SIPA1L1: variants seen among roughly 807,000 people sequenced by gnomAD.
SIPA1L1 encodes signal induced proliferation associated 1 like 1, also known as signal-induced proliferation-associated 1-like protein 1.
A neutral mutation model predicts 162.7 loss-of-function variants in SIPA1L1; 26 were observed. The ratio of observed to expected loss-of-function variants is 0.16; its 90% CI spans 0.12 to 0.22. The LOEUF is 0.22. SIPA1L1 is among the 10% of genes least tolerant of loss of function. The pLI, the probability that SIPA1L1 is intolerant of heterozygous loss-of-function variation, is 1.00. For missense variants in SIPA1L1, 1,874 were observed against 2,241.0 expected (o/e 0.84, Z 3.31); for synonymous variants, 829 against 837.4 (o/e 0.99, Z 0.17).
At chr14:71,324,434 A>G (rs1390967047) in intron 2 of SIPA1L1, among the ~76,000 whole-genome samples, 1 of 152,088 alleles carries the variant, frequency 6.6e-6, no homozygotes, top group Non-Finnish European at 1.5e-5. Flanking sequence ...AAATTTTACT[A>G]CTTTCTCCCC....
chr14:71,543,547 T>G (rs761268499), intron 4 of SIPA1L1, among the ~76,000 whole-genome samples: 24 of 152,182 alleles, frequency 1.6e-4, no homozygotes, highest in Non-Finnish European at 3.1e-4. Flanking sequence ...TTCTTACCAG[T>G]ATTTGGTATT....
chr14:71,618,905 G>C lies in SIPA1L1; in HGVS notation c.1629+18G>C. 1 of 1,607,524 alleles carries C rather than the reference G, an allele frequency of 6.2e-7. No individual in the cohort carries two copies. Among genetic ancestry groups the C allele is most frequent in the Non-Finnish European group, 8.5e-7 (1 of 1,177,236 alleles). On this transcript the variant is annotated intron_variant, in intron 6 of 23. Transcript: ENST00000381232. Reference sequence around the variant, plus strand: ...CTAGTGAGGTAAGTCGCAAATGAGAGAGGTTTGAGGTTTAACTGAAATGGG... The same window carrying C: ...CTAGTGAGGTAAGTCGCAAATGAGACAGGTTTGAGGTTTAACTGAAATGGG...
chr14:71,642,522 C>T (rs1348182112), intron 7 of SIPA1L1, among the ~76,000 whole-genome samples: 2 of 152,154 alleles, frequency 1.3e-5, no homozygotes, highest in African/African-American at 2.4e-5. Context: ...ACACTGCTGT[C>T]GTACAACCAA....
At chr14:71,549,732 C>T (rs998617973) in intron 4 of SIPA1L1, among the ~76,000 whole-genome samples, 3 of 152,176 alleles carry the variant, frequency 2.0e-5, no homozygotes, top group African/African-American at 7.2e-5. Context: ...ATGTGCTGAA[C>T]AGTGGGACCC....
At chr14:71,546,376 CTTTT>C (rs11480749) in intron 4 of SIPA1L1, among the ~76,000 whole-genome samples, 1 of 116,932 alleles carries the variant, frequency 8.6e-6, no homozygotes, top group Non-Finnish European at 1.7e-5. Flanking sequence ...CTTTTTCTTT[CTTTT>C]TTTTTTTTTT....
intron 4 of SIPA1L1, among the ~76,000 whole-genome samples, chr14:71,564,314 G>T: frequency 6.7e-6 from 1 of 148,534 alleles, no homozygotes; most frequent in African/African-American, 2.5e-5. Flanking sequence ...CTTTTCTTGG[G>T]TATAATGTGC....
At chr14:71,652,370 A>G (rs574568576) in intron 8 of SIPA1L1, among the ~76,000 whole-genome samples, 6 of 152,292 alleles carry the variant, frequency 3.9e-5, no homozygotes, top group African/African-American at 7.2e-5. Flanking sequence ...ACCATACTTA[A>G]TCTAACTTTA....
intron 13 of SIPA1L1, among the ~76,000 whole-genome samples, chr14:71,689,039 C>T (rs1596997076): frequency 6.6e-6 from 1 of 152,154 alleles, no homozygotes; most frequent in East Asian, 1.9e-4. Flanking sequence ...CACTAATTTA[C>T]TGCTTGTAGA....
chr14:71,395,510 A>G (rs1349386107), intron 2 of SIPA1L1, among the ~76,000 whole-genome samples: 2 of 152,160 alleles, frequency 1.3e-5, no homozygotes, highest in East Asian at 1.9e-4. Context: ...AAAATAAAAA[A>G]CAATTAGCTG....
intron 5 of SIPA1L1, among the ~76,000 whole-genome samples, chr14:71,615,465 A>G (rs1009304674): frequency 1.3e-5 from 2 of 152,190 alleles, no homozygotes; most frequent in African/African-American, 4.8e-5. Context: ...GACTACTACA[A>G]ACACTCAGGC....
At chr14:71,554,264 G>C (rs2056145580) in intron 4 of SIPA1L1, among the ~76,000 whole-genome samples, 3 of 152,024 alleles carry the variant, frequency 2.0e-5, no homozygotes, top group Admixed American at 6.6e-5. Flanking sequence ...AGGAAGTTTA[G>C]ATTCCTCATT....
intron 2 of SIPA1L1, among the ~76,000 whole-genome samples, chr14:71,412,830 A>G (rs771621633): frequency 5.3e-5 from 8 of 152,214 alleles, no homozygotes; most frequent in Non-Finnish European, 8.8e-5. Flanking sequence ...GACTTATTTA[A>G]TACATTTTAG....
intron 7 of SIPA1L1, among the ~76,000 whole-genome samples, chr14:71,648,614 G>T (rs1239790810): frequency 6.6e-6 from 1 of 152,180 alleles, no homozygotes; most frequent in Admixed American, 6.5e-5. Flanking sequence ...AATATTCCCA[G>T]TGAGATCTGG....
In SIPA1L1 at chr14:71,518,778, G is replaced by A. The variant is rs2051999549; in HGVS notation, c.-362+5933G>A. ...CAACATGGCAAAACACTGTGTATTA[G>A]TCTGTTTTCATGCTGCTGATAAAGA... On this transcript the variant is annotated intron_variant, in intron 3 of 23. Transcript: ENST00000381232. Among the ~76,000 whole-genome samples the A allele has an allele frequency of 6.6e-5, 10 of 151,784 alleles. No individual in the cohort carries two copies. In the South Asian group the frequency reaches 2.1e-3, roughly 32 times the overall value.
chr14:71,647,404 AAATG>A (rs1366295651), intron 7 of SIPA1L1, among the ~76,000 whole-genome samples: 1 of 151,766 alleles, frequency 6.6e-6, no homozygotes, highest in African/African-American at 2.4e-5. Context: ...TTTTTTTAAT[AAATG>A]AATCTAAATA....
intron 19 of SIPA1L1, among the ~76,000 whole-genome samples, chr14:71,729,511 A>G (rs1344500159): frequency 6.6e-6 from 1 of 152,194 alleles, no homozygotes; most frequent in Non-Finnish European, 1.5e-5. Flanking sequence ...TTGCCCAGCA[A>G]GCATGTTATC....
At chr14:71,718,098 C>G (rs2083407145) in intron 17 of SIPA1L1, among the ~76,000 whole-genome samples, 10 of 152,182 alleles carry the variant, frequency 6.6e-5, no homozygotes, top group Admixed American at 5.9e-4. Context: ...GGTGTGAACA[C>G]TTGGAGGACA....
At chr14:71,542,634 T>C (rs1437346421) in intron 4 of SIPA1L1, among the ~76,000 whole-genome samples, 10 of 109,516 alleles carry the variant, frequency 9.1e-5, no homozygotes, top group Non-Finnish European at 1.5e-4. Flanking sequence ...CTCCCCTTCT[T>C]CTTCCACTTC....
intron 5 of SIPA1L1, among the ~76,000 whole-genome samples, chr14:71,615,879 C>T (rs574320468): frequency 6.6e-6 from 1 of 152,208 alleles, no homozygotes; most frequent in African/African-American, 2.4e-5. Context: ...ACCTGTAATC[C>T]CAGCTACTCT....
Sources: gnomAD v4.1 joint callset for allele counts (sites outside exome capture counted in the v4.1 genomes callset) on GRCh38, gnomAD v4.1.1 for gene constraint, MANE v1.5 for transcripts, NCBI Gene and HGNC (gene_info 2026-07-23, HGNC 2026-07-21) for gene names.